Variants in BCAR1 observed in about 807,000 individuals in gnomAD.
BCAR1 encodes the protein BCAR1 scaffold protein, Cas family member.
Under a neutral mutation model 67.6 loss-of-function variants are expected in BCAR1, and 30 were observed. The ratio of observed to expected loss-of-function variants is 0.44; its 90% CI spans 0.33 to 0.60. The LOEUF (loss-of-function observed/expected upper bound fraction) is 0.60, where lower values mean the gene tolerates loss of function less well. Ranked by LOEUF, BCAR1 falls within the 20% of genes least tolerant of loss-of-function variation. The pLI, the probability that BCAR1 is intolerant of heterozygous loss-of-function variation, is 0.02. For synonymous variants in BCAR1, 626 were observed against 556.7 expected (o/e 1.12, Z -1.75); for missense variants, 1,313 against 1,222.3 (o/e 1.07, Z -1.11).
chr16:75,262,218 A>T (rs1258915703), intron 1 of BCAR1, among the ~76,000 whole-genome samples: 2 of 152,198 alleles, frequency 1.3e-5, no homozygotes, highest in African/African-American at 2.4e-5. Context: ...GCACGGGGAT[A>T]CAGCCACTGG....
At chr16:75,255,012 A>G (rs2077745727), upstream of BCAR1, among the ~76,000 whole-genome samples, 1 of 152,242 alleles carries the variant, frequency 6.6e-6, no homozygotes, top group African/African-American at 2.4e-5. Context: ...TGTCCACTGC[A>G]GCATTTATGA....
At chr16:75,267,400 G>GC (rs1369037188) in intron 1 of BCAR1, among the ~76,000 whole-genome samples, 2 of 149,336 alleles carry the variant, frequency 1.3e-5, no homozygotes, top group Non-Finnish European at 3.0e-5. Context: ...AAGCCGGGGG[G>GC]GGGGTGGGGG....
chr16:75,263,605 G>A (rs943521481), intron 1 of BCAR1: 15 of 985,220 alleles, frequency 1.5e-5, no homozygotes, highest in East Asian at 1.1e-4. Flanking sequence ...TCAGGGGGTC[G>A]CTACCCGCAC....
chr16:75,251,080 C>T (rs1597260349), intron 1 of BCAR1: 1 of 719,434 alleles, frequency 1.4e-6, no homozygotes. Flanking sequence ...CCAGCCGGAC[C>T]ACCCGCCAGA....
At chr16:75,241,698 G>T (rs1416510558) in intron 2 of BCAR1, among the ~76,000 whole-genome samples, 1 of 152,208 alleles carries the variant, frequency 6.6e-6, no homozygotes, top group Non-Finnish European at 1.5e-5. Context: ...ACCCATGGGC[G>T]GGGGTGGGGG....
chr16:75,266,489 A>G (rs1221810427), intron 1 of BCAR1: 4 of 359,576 alleles, frequency 1.1e-5, no homozygotes. Flanking sequence ...CCCTCAGCCC[A>G]CCGTCCTCCC....
upstream of BCAR1, among the ~76,000 whole-genome samples, chr16:75,253,332 G>A (rs1314872902): frequency 6.6e-6 from 1 of 152,222 alleles, no homozygotes; most frequent in Non-Finnish European, 1.5e-5. Context: ...ACTTCTGTGG[G>A]GAGGGGAGAC....
At chr16:75,240,320 C>T (rs1401944195) in intron 2 of BCAR1, among the ~76,000 whole-genome samples, 2 of 152,174 alleles carry the variant, frequency 1.3e-5, no homozygotes, top group Non-Finnish European at 2.9e-5. Flanking sequence ...TGGAGGGGAG[C>T]ACCTGGAGGT....
intron 2 of BCAR1, among the ~76,000 whole-genome samples, chr16:75,237,731 G>A (rs537164215): frequency 3.9e-5 from 6 of 152,292 alleles, no homozygotes; most frequent in Admixed American, 6.5e-5. Flanking sequence ...TTACTGGGGC[G>A]CCTAGCCCCA....
At chr16:75,252,157 A>G (rs1384307726), upstream of BCAR1, 7 of 1,511,434 alleles carry the variant, frequency 4.6e-6, no homozygotes, top group Admixed American at 2.0e-5. Context: ...CCCACCGTGT[A>G]AGGACCCCAG....
Position 75,229,113 on chromosome 16 carries a change from GTTC to G in BCAR1, c.*395_*397del, listed in dbSNP as rs967069553. 2.1e-5 allele frequency: 4 copies of G among 187,948 alleles called. No homozygotes were observed. The highest frequency in any genetic ancestry group is 9.3e-5 in the African/African-American group (4 of 42,934). The allele number at this position is 187,948 out of a possible 1,614,324, so 11.6% of individuals were successfully genotyped here. A position where few individuals can be genotyped will look rare whatever the true frequency, so the allele number is the denominator to read the frequency against. On this transcript the variant is annotated 3_prime_UTR_variant, in exon 7 of 7. Coordinates refer to ENST00000162330, the MANE Select transcript of BCAR1 (RefSeq NM_014567.5). Reference sequence around the variant, plus strand: ...CCAATAACGAAAAATAGTTCTTCAGGTTCTTCTCCTGGTAAGGCGGAGGACACA... The same window carrying G: ...CCAATAACGAAAAATAGTTCTTCAGGTTCTCCTGGTAAGGCGGAGGACACA...
At chr16:75,254,519 G>T (rs1458255783), upstream of BCAR1, among the ~76,000 whole-genome samples, 2 of 152,224 alleles carry the variant, frequency 1.3e-5, no homozygotes, top group African/African-American at 2.4e-5. Flanking sequence ...CAGTCTGGAG[G>T]ATGGGGGTGG....
intron 1 of BCAR1, chr16:75,250,542 A>C: frequency 1.4e-6 from 1 of 737,012 alleles, no homozygotes; most frequent in Non-Finnish European, 1.7e-6. Context: ...TCAGGAGGGA[A>C]CGGGAGCCTT....
At chr16:75,264,026 C>A in intron 1 of BCAR1, 2 of 1,216,952 alleles carry the variant, frequency 1.6e-6, no homozygotes, top group Admixed American at 4.2e-5. Context: ...TTCTCCTGGG[C>A]TGTGACTACA....
chr16:75,243,538 G>T (rs190032170), intron 1 of BCAR1: 24 of 494,642 alleles, frequency 4.9e-5, no homozygotes, highest in Admixed American at 4.7e-4. Context: ...ATAAAAAAAT[G>T]AACAACAATA....
intron 4 of BCAR1, 42 bp downstream of exon 4, chr16:75,236,840 C>T (rs2077156401): frequency 6.3e-7 from 1 of 1,599,594 alleles, no homozygotes. Context: ...AGACACCCCA[C>T]AGCCTCAGCC....
intron 6 of BCAR1, among the ~76,000 whole-genome samples, chr16:75,231,838 T>G (rs866500176): frequency 1.8e-4 from 28 of 152,360 alleles, no homozygotes; most frequent in African/African-American, 6.5e-4. Context: ...CCCAGAGTTC[T>G]CTCTCTAGAC....
chr16:75,253,669 C>A (rs1271132766), upstream of BCAR1, among the ~76,000 whole-genome samples: 1 of 152,218 alleles, frequency 6.6e-6, no homozygotes, highest in Admixed American at 6.5e-5. Context: ...GCCTGTGCCT[C>A]CCAGAATGGC....
At position 75,266,677 on chromosome 16, in the gene BCAR1, G is replaced by T. The variant is rs369222575; in HGVS notation, c.66+1238C>A. 134 of 1,302,810 alleles carry T rather than the reference G, an allele frequency of 1.0e-4. No homozygotes were observed. The African/African-American group carries it at 1.8e-3, about 17-fold the overall frequency. 80.7% of individuals were successfully genotyped at this position (1,302,810 alleles called of 1,614,324 possible). ...GCCAGGCAGGCCTTGCTGATGCCCC[G>T]TTACATTTCATAGGCCCAGGCACTG... On this transcript the variant is annotated intron_variant, in intron 1 of 6. Transcript: ENST00000393422.
Sources: allele counts gnomAD v4.1 joint callset (sites outside exome capture counted in the v4.1 genomes callset), GRCh38; gene constraint gnomAD v4.1.1; transcripts MANE v1.5; gene names NCBI Gene and HGNC (gene_info 2026-07-23, HGNC 2026-07-21).